The following ATP7A variants were observed in gnomAD, a reference collection of about 807,000 sequenced individuals.
ATP7A encodes copper-transporting ATPase 1.
ATP7A carries 7 observed loss-of-function variants against 83.5 expected under a neutral mutation model. That is an observed-to-expected ratio of 0.08 (90% CI 0.05 to 0.16). ATP7A has a LOEUF of 0.16. ATP7A is among the 10% of genes least tolerant of loss of function. ATP7A has a pLI of 1.00. For missense variants in ATP7A, 940 were observed against 1,120.8 expected (o/e 0.84, Z 2.30); for synonymous variants, 354 against 395.2 (o/e 0.90, Z 1.24).
At position 78,029,369 on chromosome X, in the gene ATP7A, G is replaced by A. The variant is rs2149104907; in HGVS notation, c.3036G>A (p.Val1012=). 8.3e-7 allele frequency: 1 copy of A among 1,211,681 alleles called. No individual in the cohort carries two copies. The part of the protein sequence containing the change: ...CSLGLATPTA[V]MVGTGVGAQN... ...TGGGACTGGCCACTCCAACTGCTGT[G>A]ATGGTGGGTACAGGAGTAGGTGCTC... Residue 1012 remains valine (V), a synonymous_variant, in exon 15 of 23, where the codon GTG becomes GTA. Coordinates refer to ENST00000341514, the MANE Select transcript of ATP7A (RefSeq NM_000052.7).
chrX:78,045,617 A>G, intron 22 of ATP7A, 45 bp downstream of exon 22: 1 of 1,042,373 alleles, frequency 9.6e-7, no homozygotes. Flanking sequence ...TATTCCTGTT[A>G]TCATCTAGTC....
At chrX:77,911,757 A>G (rs1476317418) in intron 1 of ATP7A, among the ~76,000 whole-genome samples, 1 of 110,758 alleles carries the variant, frequency 9.0e-6, no homozygotes, top group Non-Finnish European at 1.9e-5. Context: ...CAGCCTGGCC[A>G]TCATGGCGAA....
chrX:77,988,824 C>A, intron 3 of ATP7A, 93 bp downstream of exon 3: 1 of 1,058,486 alleles, frequency 9.4e-7, no homozygotes, highest in South Asian at 1.9e-5. Flanking sequence ...AGTTTTGAAT[C>A]CATGAGACTA....
chrX:77,977,443 G>A (rs1380507522), intron 2 of ATP7A, among the ~76,000 whole-genome samples: 2 of 112,213 alleles, frequency 1.8e-5, no homozygotes, highest in African/African-American at 6.5e-5. Context: ...GACAGCTAAA[G>A]TATTTTCCAA....
In ATP7A at chrX:78,011,442, A is replaced by G. The variant is rs2077824853; in HGVS notation, c.1947-7A>G. 8.3e-7 allele frequency: 1 copy of G among 1,202,553 alleles called. No homozygotes were observed. Among genetic ancestry groups the G allele is most frequent in the African/African-American group, 1.8e-5 (1 of 56,798 alleles). ...TGATTTTTCTTTTTTTATTTTTTCC[A>G]TATAAGATGGAGACGGTCTTTTCTT... On this transcript the variant is annotated splice_polypyrimidine_tract_variant and splice_region_variant and intron_variant, in intron 8 of 22. Coordinates refer to ENST00000341514, the MANE Select transcript of ATP7A (RefSeq NM_000052.7).
chrX:78,040,804 G>A, intron 19 of ATP7A, 71 bp downstream of exon 19: 1 of 1,110,116 alleles, frequency 9.0e-7, no homozygotes, highest in Admixed American at 2.2e-5. Flanking sequence ...CAAATGCTAA[G>A]AAATTTACAT....
intron 2 of ATP7A, among the ~76,000 whole-genome samples, chrX:77,982,159 T>C (rs781916734): frequency 8.9e-6 from 1 of 111,826 alleles, no homozygotes; most frequent in South Asian, 3.7e-4. Flanking sequence ...GAATCAAACA[T>C]ATTAGAAATT....
chrX:77,945,425 C>T (rs1449927682), intron 1 of ATP7A, among the ~76,000 whole-genome samples: 1 of 111,794 alleles, frequency 8.9e-6, no homozygotes, highest in Non-Finnish European at 1.9e-5. Flanking sequence ...AGCGATCTGC[C>T]CACTTTGGCC....
At position 78,046,407 on chromosome X, in the gene ATP7A, C is replaced by A; in HGVS notation, c.4340C>A (p.Ser1447Tyr). The part of the protein sequence containing the change: ...HVGIDDTSRN[S>Y]PKLGLLDRIV... ...GGAATAGATGATACCTCAAGGAATT[C>A]TCCTAAACTGGGTTTGCTGGACCGG... Residue 1447 changes from serine (S) to tyrosine (Y), a missense_variant, in exon 23 of 23, where the codon TCT becomes TAT. Physicochemically the swap from Ser to Tyr is moderately radical, Grantham distance 144. Transcript: ENST00000341514. The A allele has an allele frequency of 8.3e-7, 1 of 1,211,527 alleles. No homozygotes were observed. The highest frequency in any genetic ancestry group is 1.1e-6 in the Non-Finnish European group (1 of 895,362).
At chrX:77,916,791 C>T (rs1814278906) in intron 1 of ATP7A, among the ~76,000 whole-genome samples, 1 of 111,623 alleles carries the variant, frequency 9.0e-6, no homozygotes, top group African/African-American at 3.3e-5. Context: ...ATTGCATATT[C>T]AGTGTTTCCT....
intron 2 of ATP7A, among the ~76,000 whole-genome samples, chrX:77,972,202 T>G (rs1441250974): frequency 1.8e-5 from 2 of 110,854 alleles, no homozygotes; most frequent in African/African-American, 6.6e-5. Flanking sequence ...TATTTTTAGT[T>G]TTTTTTTCAG....
At chrX:78,017,635 G>A (rs1179943680) in intron 12 of ATP7A, among the ~76,000 whole-genome samples, 1 of 110,959 alleles carries the variant, frequency 9.0e-6, no homozygotes, top group African/African-American at 3.3e-5. Flanking sequence ...GAATAATGTA[G>A]GTCATGTCTT....
Position 78,003,236 on chromosome X carries a change from T to C in ATP7A, c.1707T>C (p.Val569=). The stretch of plus-strand genomic sequence containing the variant: ...AAGGAGATGGTGTTTTGGAACTTGT[T>C]GTAAGTAAGATTTTTTGTGTGATTA... ...ADEGDGVLEL[V]VRGMTCASCV... is the part of the protein sequence containing the mutation. Residue 569 remains valine (V), a splice_region_variant and synonymous_variant, in exon 6 of 23, where the codon GTT becomes GTC. Transcript: ENST00000341514. The C allele has an allele frequency of 8.3e-7, 1 of 1,208,208 alleles. No homozygotes were observed. Among genetic ancestry groups the C allele is most frequent in the Middle Eastern group, 2.3e-4 (1 of 4,345 alleles).
intron 14 of ATP7A, among the ~76,000 whole-genome samples, chrX:78,025,471 A>G (rs781817197): frequency 1.8e-4 from 20 of 111,946 alleles, no homozygotes; most frequent in Non-Finnish European, 2.6e-4. Flanking sequence ...TCCAATGTAA[A>G]GAAACCAGAA....
At position 78,038,900 on chromosome X, in the gene ATP7A, T is replaced by C. The variant is rs111465414; in HGVS notation, c.3576T>C (p.Gly1192=). The C allele has an allele frequency of 1.7e-6, 2 of 1,210,499 alleles. No homozygotes were observed. Among genetic ancestry groups the C allele is most frequent in the East Asian group, 3.0e-5 (1 of 33,856 alleles). Residue 1192 remains glycine (G), a synonymous_variant, in exon 18 of 23, where the codon GGT becomes GGC. Coordinates refer to ENST00000341514, the MANE Select transcript of ATP7A (RefSeq NM_000052.7). ...ACCGGGAGTGGATGATTAGAAATGG[T>C]CTTGTCATTAATAACGATGTAAATG... ...IGNREWMIRN[G]LVINNDVNDF...
chrX:78,020,934 T>C lies in ATP7A; in HGVS notation c.2782-11T>C, dbSNP rs1168369861. ...TCTTCTTCTTATTATTGTTGTTATT[T>C]TTAATTCTAGGCTCCTATCCAGCAG... On this transcript the variant is annotated splice_polypyrimidine_tract_variant and intron_variant, in intron 13 of 22. Coordinates refer to ENST00000341514, the MANE Select transcript of ATP7A (RefSeq NM_000052.7). 9 of 1,201,666 alleles carry C rather than the reference T, an allele frequency of 7.5e-6. No homozygotes were observed. In the African/African-American group the frequency reaches 1.6e-4, roughly 21 times the overall value.
At chrX:77,933,693 A>G (rs2077302785) in intron 1 of ATP7A, among the ~76,000 whole-genome samples, 1 of 112,304 alleles carries the variant, frequency 8.9e-6, no homozygotes, top group Admixed American at 9.4e-5. Flanking sequence ...TGCATGAAAC[A>G]AAGTTTGTGT....
At chrX:77,979,230 A>G (rs972156229) in intron 2 of ATP7A, among the ~76,000 whole-genome samples, 2 of 111,549 alleles carry the variant, frequency 1.8e-5, no homozygotes, top group Non-Finnish European at 3.8e-5. Flanking sequence ...AAGGCCCTTC[A>G]AATTGTTTAA....
chrX:77,939,469 C>T (rs1205813910), intron 1 of ATP7A, among the ~76,000 whole-genome samples: 7 of 110,185 alleles, frequency 6.4e-5, no homozygotes, highest in African/African-American at 2.0e-4. Context: ...TTTTTATTAT[C>T]AAAGTAGTAT....
Sources: allele counts gnomAD v4.1 joint callset (sites outside exome capture counted in the v4.1 genomes callset), GRCh38; gene constraint gnomAD v4.1.1; transcripts MANE v1.5; gene names NCBI Gene and HGNC (gene_info 2026-07-23, HGNC 2026-07-21).